ADK: variants seen among roughly 807,000 people sequenced by gnomAD.
ADK encodes the protein N6,N6-dimethyladenosine kinase.
In ADK, 24 loss-of-function variants were observed where a neutral mutation model predicts 44.7. The ratio of observed to expected loss-of-function variants is 0.54; its 90% CI spans 0.39 to 0.76. ADK has a LOEUF of 0.76. Ranked by LOEUF, ADK falls within the 30% of genes least tolerant of loss-of-function variation. ADK has a pLI of 0.00. For missense variants in ADK, 321 were observed against 425.1 expected (o/e 0.76, Z 2.15); for synonymous variants, 128 against 142.6 (o/e 0.90, Z 0.73).
At chr10:74,269,071 T>C (rs1378797341) in intron 3 of ADK, among the ~76,000 whole-genome samples, 1 of 152,216 alleles carries the variant, frequency 6.6e-6, no homozygotes, top group South Asian at 2.1e-4. Context: ...ATTCAAATTA[T>C]ATTTAAATGT....
At chr10:74,361,135 A>G (rs1012727307) in intron 4 of ADK, among the ~76,000 whole-genome samples, 1 of 151,958 alleles carries the variant, frequency 6.6e-6, no homozygotes, top group African/African-American at 2.4e-5. Context: ...CAAACTCCGG[A>G]CCTCATGATC....
chr10:74,349,008 G>T (rs1311487470), intron 4 of ADK, among the ~76,000 whole-genome samples: 2 of 152,108 alleles, frequency 1.3e-5, no homozygotes, highest in East Asian at 1.9e-4. Context: ...TTATCCAGGA[G>T]AACTTCCCCA....
chr10:74,408,013 T>C (rs1844013509), intron 6 of ADK, among the ~76,000 whole-genome samples: 1 of 151,988 alleles, frequency 6.6e-6, no homozygotes, highest in African/African-American at 2.4e-5. Context: ...TGAGTCTCAG[T>C]CTGTTGCCCA....
chr10:74,222,688 A>G (rs1271055548), intron 2 of ADK, among the ~76,000 whole-genome samples: 1 of 152,208 alleles, frequency 6.6e-6, no homozygotes, highest in Non-Finnish European at 1.5e-5. Context: ...GCCATAAAAA[A>G]TGATGAGTTT....
At chr10:74,637,608 A>G (rs959371146) in intron 9 of ADK, among the ~76,000 whole-genome samples, 5 of 152,230 alleles carry the variant, frequency 3.3e-5, no homozygotes. Context: ...AGAATACTTG[A>G]GGCTGCTTTT....
intron 1 of ADK, among the ~76,000 whole-genome samples, chr10:74,172,144 T>C (rs955696429): frequency 2.0e-5 from 3 of 151,170 alleles, no homozygotes; most frequent in East Asian, 1.9e-4. Flanking sequence ...TTTCTTTTTT[T>C]TTTTTTTTTT....
intron 2 of ADK, among the ~76,000 whole-genome samples, chr10:74,207,098 G>A (rs545996192): frequency 2.0e-5 from 3 of 152,328 alleles, no homozygotes; most frequent in South Asian, 4.1e-4. Context: ...CTGTGGTGGG[G>A]TGGGCATCTC....
intron 4 of ADK, among the ~76,000 whole-genome samples, chr10:74,355,805 T>C (rs1842117431): frequency 6.6e-6 from 1 of 152,138 alleles, no homozygotes; most frequent in East Asian, 1.9e-4. Context: ...CTTATGTGTT[T>C]GTTGGTAAAC....
chr10:74,373,874 GA>G (rs1842744274), intron 4 of ADK, among the ~76,000 whole-genome samples: 1 of 152,146 alleles, frequency 6.6e-6, no homozygotes, highest in Admixed American at 6.5e-5. Context: ...CCTAAACATG[GA>G]AACAACCCAA....
chr10:74,397,290 G>T (rs1013524518), intron 5 of ADK, among the ~76,000 whole-genome samples: 1 of 151,110 alleles, frequency 6.6e-6, no homozygotes, highest in African/African-American at 2.4e-5. Flanking sequence ...ATACGTTTTG[G>T]AAGAGAATTG....
intron 7 of ADK, among the ~76,000 whole-genome samples, chr10:74,565,496 G>T (rs1195744667): frequency 6.6e-6 from 1 of 152,192 alleles, no homozygotes. Context: ...GGGAGGCTGA[G>T]GCGGGCAGAT....
intron 6 of ADK, among the ~76,000 whole-genome samples, chr10:74,447,144 T>C (rs1331156536): frequency 6.6e-6 from 1 of 152,182 alleles, no homozygotes. Flanking sequence ...AAAAGGATTA[T>C]TTTGTATGCA....
chr10:74,541,013 ATTAT>A (rs1046412115), intron 7 of ADK, among the ~76,000 whole-genome samples: 7 of 151,806 alleles, frequency 4.6e-5, no homozygotes, highest in African/African-American at 1.5e-4. Flanking sequence ...TTTTTATTTT[ATTAT>A]TTATTTATTT....
At chr10:74,185,515 A>G (rs909621726) in intron 1 of ADK, among the ~76,000 whole-genome samples, 9 of 136,032 alleles carry the variant, frequency 6.6e-5, no homozygotes, top group Non-Finnish European at 9.8e-5. Flanking sequence ...AAATGCCAAC[A>G]ATATAATTTT....
chr10:74,374,932 C>T (rs1240063319), intron 4 of ADK, among the ~76,000 whole-genome samples: 2 of 152,120 alleles, frequency 1.3e-5, no homozygotes, highest in East Asian at 1.9e-4. Context: ...TAACACTCCT[C>T]GTATGTTGTT....
At chr10:74,163,725 G>A (rs2132041312) in intron 1 of ADK, among the ~76,000 whole-genome samples, 1 of 152,272 alleles carries the variant, frequency 6.6e-6, no homozygotes, top group Non-Finnish European at 1.5e-5. Context: ...CTTAGCCCTA[G>A]AATGGCAGTC....
At chr10:74,449,859 G>A (rs1027015849) in intron 6 of ADK, among the ~76,000 whole-genome samples, 8 of 152,174 alleles carry the variant, frequency 5.3e-5, no homozygotes, top group Non-Finnish European at 2.9e-5. Context: ...GCCTGGCACA[G>A]TAATTGAAAA....
At chr10:74,541,403 T>C (rs1849621065) in intron 7 of ADK, among the ~76,000 whole-genome samples, 1 of 152,182 alleles carries the variant, frequency 6.6e-6, no homozygotes, top group Admixed American at 6.5e-5. Context: ...TTTTGACTGA[T>C]CCAGATCCAG....
chr10:74,476,320 T>C (rs931549047), intron 6 of ADK, among the ~76,000 whole-genome samples: 2 of 151,788 alleles, frequency 1.3e-5, no homozygotes, highest in Non-Finnish European at 2.9e-5. Flanking sequence ...ATGGAGAAAC[T>C]GCGTCTCTAA....
Sources: allele counts gnomAD v4.1 joint callset (sites outside exome capture counted in the v4.1 genomes callset), GRCh38; gene constraint gnomAD v4.1.1; transcripts MANE v1.5; gene names NCBI Gene and HGNC (gene_info 2026-07-23, HGNC 2026-07-21).